Variants in RBPJ observed in about 807,000 individuals in gnomAD.
RBPJ encodes the protein recombining binding protein suppressor of hairless.
Under a neutral mutation model 67.8 loss-of-function variants are expected in RBPJ, and 9 were observed. The ratio of observed to expected loss-of-function variants is 0.13; its 90% CI spans 0.08 to 0.23. The LOEUF is 0.23. Among genes scored for constraint, RBPJ ranks in the 10% least tolerant of loss-of-function variants. The pLI, the probability that RBPJ is intolerant of heterozygous loss-of-function variation, is 1.00. For missense variants in RBPJ, 305 were observed against 595.6 expected, an observed-to-expected ratio of 0.51 and a Z score of 5.08; for synonymous variants, 198 against 203.3, an observed-to-expected ratio of 0.97 and a Z score of 0.22.
upstream of RBPJ, among the ~76,000 whole-genome samples, chr4:26,318,129 G>GCACA (rs33941779): frequency 1.6e-4 from 24 of 146,838 alleles, no homozygotes; most frequent in Admixed American, 8.1e-4. Context: ...ACACACACAC[G>GCACA]CACACACACA....
the RBPJ span, among the ~76,000 whole-genome samples, chr4:26,117,551 CAG>C: frequency 1.3e-5 from 2 of 152,082 alleles, no homozygotes; most frequent in Admixed American, 1.3e-4. Flanking sequence ...AGAAAACAAA[CAG>C]ATGAGTCAGA....
At chr4:26,168,077 A>G (rs1716391050) in intron 1 of RBPJ, among the ~76,000 whole-genome samples, 1 of 151,476 alleles carries the variant, frequency 6.6e-6, no homozygotes, top group Non-Finnish European at 1.5e-5. Context: ...TTTACATTTA[A>G]AGTTAATATT....
rs1372122359 is a variant in RBPJ at position 26,431,771 on chromosome 4, A to G, written c.*764A>G. 2 of 152,140 alleles carry G rather than the reference A, an allele frequency of 1.3e-5. No individual in the cohort carries two copies. The highest frequency in any genetic ancestry group is 2.4e-5 in the African/African-American group (1 of 41,436). The allele number at this position is 152,140 out of a possible 1,614,324, so 9.4% of individuals were successfully genotyped here. The stretch of plus-strand genomic sequence containing the variant: ...CTCTGCCTTGCCTGCAATACATGCA[A>G]TGTATGTTAACTTAGTCTCTCTTCT... On this transcript the variant is annotated 3_prime_UTR_variant, in exon 11 of 11. Coordinates refer to ENST00000355476, the MANE Select transcript of RBPJ (RefSeq NM_015874.6).
At chr4:26,301,885 T>C (rs1367749405) in intron 1 of RBPJ, among the ~76,000 whole-genome samples, 2 of 152,112 alleles carry the variant, frequency 1.3e-5, no homozygotes, top group African/African-American at 4.8e-5. Context: ...CTCCACTTCC[T>C]GGGTTCAAGT....
intron 8 of RBPJ, among the ~76,000 whole-genome samples, 170 bp from the exon 9 acceptor site, chr4:26,429,728 C>G (rs550119799): frequency 7.2e-5 from 11 of 152,264 alleles, no homozygotes; most frequent in African/African-American, 2.6e-4. Flanking sequence ...TATTAGCATT[C>G]TGTTTGTGTT....
chr4:26,108,018 C>G, the RBPJ span, among the ~76,000 whole-genome samples: 1 of 152,210 alleles, frequency 6.6e-6, no homozygotes. Flanking sequence ...TTTTTTATTT[C>G]TTCTGTTGAG....
intron 1 of RBPJ, among the ~76,000 whole-genome samples, chr4:26,360,535 G>A (rs1158734218): frequency 2.6e-5 from 4 of 151,860 alleles, no homozygotes; most frequent in Non-Finnish European, 5.9e-5. Flanking sequence ...ACAGCATAAA[G>A]GAAGGAGACT....
intron 1 of RBPJ, among the ~76,000 whole-genome samples, chr4:26,339,885 G>T (rs1725321871): frequency 6.6e-6 from 1 of 152,132 alleles, no homozygotes; most frequent in Non-Finnish European, 1.5e-5. Context: ...CGGGCATGAT[G>T]GCGGTTGCCT....
intron 1 of RBPJ, among the ~76,000 whole-genome samples, chr4:26,182,336 C>G (rs376593607): frequency 2.0e-5 from 3 of 151,060 alleles, no homozygotes; most frequent in East Asian, 3.9e-4. Flanking sequence ...AGCAAGACTC[C>G]GTCTCAAAAA....
At chr4:26,353,579 T>C (rs889312858) in intron 1 of RBPJ, among the ~76,000 whole-genome samples, 2 of 151,898 alleles carry the variant, frequency 1.3e-5, no homozygotes, top group African/African-American at 2.4e-5. Context: ...ATAAATCTTA[T>C]TTGCAATTGT....
the RBPJ span, among the ~76,000 whole-genome samples, chr4:26,137,459 G>C: frequency 1.3e-5 from 2 of 152,142 alleles, no homozygotes; most frequent in Non-Finnish European, 2.9e-5. Flanking sequence ...ACACTGCTTT[G>C]TGACCTCCCT....
chr4:26,418,558 G>T (rs917919567), intron 4 of RBPJ, among the ~76,000 whole-genome samples: 2 of 151,756 alleles, frequency 1.3e-5, no homozygotes. Flanking sequence ...TAGGTCTTAT[G>T]ATCCAACCTT....
intron 1 of RBPJ, among the ~76,000 whole-genome samples, chr4:26,195,935 GT>G (rs1717745853): frequency 6.6e-6 from 1 of 151,956 alleles, no homozygotes; most frequent in Non-Finnish European, 1.5e-5. Flanking sequence ...TTAGAGTGTC[GT>G]TATTTTCAAA....
At chr4:26,326,303 G>A (rs1441892071) in intron 1 of RBPJ, among the ~76,000 whole-genome samples, 1 of 151,892 alleles carries the variant, frequency 6.6e-6, no homozygotes, top group Non-Finnish European at 1.5e-5. Context: ...GAACATTATA[G>A]TAAGGCTCTT....
At chr4:26,390,260 T>C (rs1577590254) in intron 2 of RBPJ, among the ~76,000 whole-genome samples, 1 of 152,174 alleles carries the variant, frequency 6.6e-6, no homozygotes, top group East Asian at 1.9e-4. Flanking sequence ...AATTTCCTCA[T>C]CATAGGGTGC....
chr4:26,428,925 A>G, intron 8 of RBPJ, 65 bp downstream of exon 8: 1 of 1,295,466 alleles, frequency 7.7e-7, no homozygotes, highest in Non-Finnish European at 1.1e-6. Flanking sequence ...GCTTGCAAAA[A>G]TATGAAATTT....
At chr4:26,183,953 A>C (rs1157123353) in intron 1 of RBPJ, among the ~76,000 whole-genome samples, 1 of 152,156 alleles carries the variant, frequency 6.6e-6, no homozygotes, top group Non-Finnish European at 1.5e-5. Context: ...CGGAGGTAGC[A>C]GTAAGCTGAG....
chr4:26,130,503 C>G, the RBPJ span, among the ~76,000 whole-genome samples: 2 of 152,168 alleles, frequency 1.3e-5, no homozygotes, highest in African/African-American at 4.8e-5. Flanking sequence ...CCTGCCTGGT[C>G]TCAGTCCTTA....
intron 1 of RBPJ, among the ~76,000 whole-genome samples, chr4:26,244,214 C>T (rs372605792): frequency 3.8e-4 from 41 of 106,738 alleles, no homozygotes; most frequent in East Asian, 6.8e-4. Flanking sequence ...TATGTATACA[C>T]ATATGTGTAC....
Sources: gnomAD v4.1 joint callset for allele counts (sites outside exome capture counted in the v4.1 genomes callset) on GRCh38, gnomAD v4.1.1 for gene constraint, MANE v1.5 for transcripts, NCBI Gene and HGNC (gene_info 2026-07-23, HGNC 2026-07-21) for gene names.